PCSK5: variants seen among roughly 807,000 people sequenced by gnomAD.
PCSK5 encodes prohormone convertase 5.
In PCSK5, 129 loss-of-function variants were observed where a neutral mutation model predicts 233.2. The observed-to-expected ratio is 0.55, with a 90% confidence interval of 0.48 to 0.64. The LOEUF is 0.64. PCSK5 is among the 30% of genes least tolerant of loss of function. The probability of loss-of-function intolerance (pLI) is 0.00; values close to 1 mark genes in which losing one functional copy is unlikely to be tolerated. For synonymous variants in PCSK5, 825 were observed against 879.2 expected (o/e 0.94, Z 1.09); for missense variants, 2,076 against 2,430.1 (o/e 0.85, Z 3.06).
At chr9:75,929,088 A>G (rs1480086107) in intron 1 of PCSK5, among the ~76,000 whole-genome samples, 1 of 152,062 alleles carries the variant, frequency 6.6e-6, no homozygotes, top group Non-Finnish European at 1.5e-5. Flanking sequence ...GGCGTGTACC[A>G]CATGCCCAGC....
intron 7 of PCSK5, among the ~76,000 whole-genome samples, chr9:76,083,288 C>CT (rs1021374086): frequency 2.7e-5 from 4 of 149,126 alleles, no homozygotes; most frequent in Non-Finnish European, 4.5e-5. Context: ...TTATCTTAGT[C>CT]TTTTTTTCTG....
chr9:75,997,786 T>C (rs1420053069), intron 3 of PCSK5, among the ~76,000 whole-genome samples: 1 of 152,188 alleles, frequency 6.6e-6, no homozygotes, highest in Non-Finnish European at 1.5e-5. Flanking sequence ...CCTAATTTCT[T>C]TCTTTATGCT....
intron 24 of PCSK5, among the ~76,000 whole-genome samples, chr9:76,280,948 A>G (rs1305935626): frequency 6.6e-6 from 1 of 151,978 alleles, no homozygotes; most frequent in Non-Finnish European, 1.5e-5. Context: ...CATTTCCTTA[A>G]GCCAAAGCCT....
At chr9:76,107,188 C>G in intron 8 of PCSK5, 63 bp from the exon 9 acceptor site, 1 of 949,902 alleles carries the variant, frequency 1.1e-6, no homozygotes, top group Non-Finnish European at 1.6e-6. Flanking sequence ...GAGTATATTT[C>G]TTTCTACTTG....
At chr9:76,092,855 T>C (rs1831351855) in intron 7 of PCSK5, among the ~76,000 whole-genome samples, 1 of 152,198 alleles carries the variant, frequency 6.6e-6, no homozygotes. Flanking sequence ...TAAAAAATTA[T>C]CTCTTAACAA....
At chr9:76,025,668 A>G (rs948762865) in intron 4 of PCSK5, among the ~76,000 whole-genome samples, 2 of 152,134 alleles carry the variant, frequency 1.3e-5, no homozygotes, top group African/African-American at 4.8e-5. Flanking sequence ...TAGTGACCCC[A>G]TATCTTTGTG....
intron 2 of PCSK5, among the ~76,000 whole-genome samples, chr9:75,964,314 C>T (rs1825483285): frequency 6.6e-6 from 1 of 152,100 alleles, no homozygotes; most frequent in Non-Finnish European, 1.5e-5. Flanking sequence ...CTAAAAATAT[C>T]TTATATTATA....
intron 24 of PCSK5, among the ~76,000 whole-genome samples, chr9:76,253,411 A>C (rs1284868487): frequency 6.6e-6 from 1 of 152,164 alleles, no homozygotes. Context: ...TATTCATTAG[A>C]GCCTCCCTGC....
At chr9:76,092,962 A>T (rs559178174) in intron 7 of PCSK5, among the ~76,000 whole-genome samples, 300 of 152,278 alleles carry the variant, frequency 2.0e-3, no homozygotes, top group African/African-American at 7.0e-3. Flanking sequence ...TAAAAAAGAA[A>T]ATAAAAAGCT....
intron 24 of PCSK5, among the ~76,000 whole-genome samples, chr9:76,242,278 T>A (rs1033779615): frequency 1.3e-5 from 2 of 152,102 alleles, no homozygotes; most frequent in African/African-American, 2.4e-5. Context: ...ACTTAAATAT[T>A]ATATATGAAT....
chr9:75,978,869 C>CTTTTTTTTTTTTTTT (rs5898441), intron 2 of PCSK5, among the ~76,000 whole-genome samples: 10 of 128,062 alleles, frequency 7.8e-5, no homozygotes, highest in Non-Finnish European at 6.6e-5. Flanking sequence ...GAATGTTTCC[C>CTTTTTTTTTTTTTTT]TTTTTTTTTT....
At chr9:76,247,244 C>T (rs1450744584) in intron 24 of PCSK5, among the ~76,000 whole-genome samples, 2 of 152,098 alleles carry the variant, frequency 1.3e-5, no homozygotes, top group South Asian at 2.1e-4. Flanking sequence ...CAGTGGTGGA[C>T]GCGAGCGAAA....
chr9:76,295,782 C>A (rs1216614126), intron 26 of PCSK5, among the ~76,000 whole-genome samples: 1 of 152,190 alleles, frequency 6.6e-6, no homozygotes. Context: ...TATCCCCATG[C>A]ACTGTAAGAA....
intron 13 of PCSK5, among the ~76,000 whole-genome samples, 156 bp downstream of exon 13, chr9:76,169,996 G>C (rs1823262829): frequency 6.6e-6 from 1 of 152,210 alleles, no homozygotes; most frequent in Non-Finnish European, 1.5e-5. Context: ...CAGTTCTCAA[G>C]ATTACCATTT....
rs772429123 is a variant in PCSK5, at chr9:76,308,711, G to A, written c.3671G>A (p.Cys1224Tyr). The A allele has an allele frequency of 2.5e-6, 4 of 1,608,616 alleles. No homozygotes were observed. Among genetic ancestry groups the A allele is most frequent in the Non-Finnish European group, 3.4e-6 (4 of 1,176,162 alleles). Reference sequence around the variant, plus strand: ...ACCTGCAATGGATCTGCAACTCTGTGCACTTCATGTCCCAAAGGTTAGTGT... The same window carrying A: ...ACCTGCAATGGATCTGCAACTCTGTACACTTCATGTCCCAAAGGTTAGTGT... ...CKTCNGSATL[C>Y]TSCPKGAYLL... Residue 1224 changes from cysteine to tyrosine, a missense_variant, in exon 29 of 38, where the codon TGC (cysteine) becomes TAC (tyrosine). This residue lies in a region of PCSK5 where 1,510 missense variants were observed against 1,538.1 expected (regional missense o/e 0.98). Transcript: ENST00000674117.
intron 3 of PCSK5, among the ~76,000 whole-genome samples, chr9:75,988,004 C>A (rs567613693): frequency 6.6e-6 from 1 of 152,334 alleles, no homozygotes; most frequent in South Asian, 2.1e-4. Flanking sequence ...AGACTGGACT[C>A]TAGCAGGAGC....
At position 76,209,536 on chromosome 9, in the gene PCSK5, A is replaced by G; in HGVS notation, c.2627-17967A>G. The G allele has an allele frequency of 9.7e-6, 5 of 516,178 alleles. 1 individual carries two copies. Among genetic ancestry groups the G allele is most frequent in the South Asian group, 5.6e-5 (4 of 70,872 alleles). 32.0% of individuals were successfully genotyped at this position (516,178 alleles called of 1,614,324 possible). ...TAGGCGCTCAATAATTAGATGATGA[A>G]TGAATTACTGAGTGCCTTTTCATGG... On this transcript the variant is annotated intron_variant, in intron 20 of 37. Transcript: ENST00000674117.
intron 5 of PCSK5, among the ~76,000 whole-genome samples, chr9:76,038,922 C>T (rs1029039): frequency 6.6e-6 from 1 of 151,876 alleles, no homozygotes; most frequent in African/African-American, 2.4e-5. Flanking sequence ...AATTGTTCAA[C>T]CAACCTTCCT....
chr9:76,338,378 G>A lies in PCSK5; in HGVS notation c.4897G>A (p.Asp1633Asn). The A allele has an allele frequency of 6.2e-7, 1 of 1,612,602 alleles. No individual in the cohort carries two copies. The highest frequency in any genetic ancestry group is 8.5e-7 in the Non-Finnish European group (1 of 1,179,802). The part of the protein sequence containing the change: ...SKGECHRSCP[D>N]HYYVEQSTQT... ...AGGAGAGTGTCATCGCTCCTGCCCA[G>A]ACCATTACTATGTAGAGCAAAGCAC... is the stretch of plus-strand genomic sequence containing the variant. The change falls in exon 35 of 38, where the codon GAC (aspartate) becomes AAC (asparagine). Residue 1633 changes from aspartate (D) to asparagine (N), a missense_variant. Physicochemically the swap from Asp to Asn is conservative, Grantham distance 23 (BLOSUM62 1). Coordinates refer to ENST00000674117, the MANE Select transcript of PCSK5 (RefSeq NM_001372043.1).
Sources: gnomAD v4.1 joint callset for allele counts (sites outside exome capture counted in the v4.1 genomes callset) on GRCh38, gnomAD v4.1.1 for gene constraint, gnomAD v4.1.1 regional missense constraint, MANE v1.5 for transcripts, NCBI Gene and HGNC (gene_info 2026-07-23, HGNC 2026-07-21) for gene names.